The following C1GALT1 variants were observed in gnomAD, a reference collection of about 807,000 sequenced individuals.
C1GALT1 encodes core 1 synthase, glycoprotein-N-acetylgalactosamine 3-beta-galactosyltransferase 1, also known as glycoprotein-N-acetylgalactosamine 3-beta-galactosyltransferase 1.
C1GALT1 carries 11 observed loss-of-function variants against 31.0 expected under a neutral mutation model. The ratio of observed to expected loss-of-function variants is 0.36; its 90% confidence interval spans 0.22 to 0.59. The LOEUF (loss-of-function observed/expected upper bound fraction) is 0.59. C1GALT1 is among the 20% of genes least tolerant of loss of function. The pLI, the probability that C1GALT1 is intolerant of heterozygous loss-of-function variation, is 0.79. For missense variants in C1GALT1, 424 were observed against 425.2 expected (o/e 1.00, Z 0.03); for synonymous variants, 175 against 143.6 (o/e 1.22, Z -1.56).
At chr7:7,210,233 G>C (rs1781929767) in intron 1 of C1GALT1, among the ~76,000 whole-genome samples, 1 of 147,128 alleles carries the variant, frequency 6.8e-6, no homozygotes, top group Non-Finnish European at 1.5e-5. Context: ...TTCTGAACCT[G>C]GAATTGTGGG....
intron 1 of C1GALT1, among the ~76,000 whole-genome samples, chr7:7,228,416 A>G (rs6943933): frequency 0.2 from 30,213 of 152,080 alleles, 3,494 homozygotes; most frequent in East Asian, 0.54. Context: ...AGCACTTGGC[A>G]TAAAGAACTT....
upstream of C1GALT1, among the ~76,000 whole-genome samples, chr7:7,181,980 T>G (rs966635978): frequency 6.6e-6 from 1 of 152,166 alleles, no homozygotes; most frequent in African/African-American, 2.4e-5. Flanking sequence ...AGAACCGAAG[T>G]GCTGACAGAA....
chr7:7,190,756 C>T lies in C1GALT1; in HGVS notation c.-18+7936C>T, dbSNP rs1324439289. 7.2e-5 allele frequency among the ~76,000 whole-genome samples: 11 copies of T among 152,034 alleles called. No individual in the cohort carries two copies. The East Asian group carries it at 1.7e-3, about 24-fold the overall frequency. On this transcript the variant is annotated intron_variant, in intron 1 of 3. Coordinates refer to ENST00000436587, the MANE Select transcript of C1GALT1 (RefSeq NM_020156.5). ...ATCTTTTTTATAACTTAAAATTGAT[C>T]AGATCAGATTAGTACACCCCTTCCC...
chr7:7,159,974 C>T (rs1437611979), intron 2 of C1GALT1, among the ~76,000 whole-genome samples: 1 of 152,122 alleles, frequency 6.6e-6, no homozygotes, highest in Non-Finnish European at 1.5e-5. Context: ...TCCTAGGGAG[C>T]TTTGCACCAA....
intron 1 of C1GALT1, among the ~76,000 whole-genome samples, chr7:7,226,130 G>T (rs1782749046): frequency 1.3e-5 from 2 of 152,000 alleles, no homozygotes; most frequent in Non-Finnish European, 2.9e-5. Context: ...TTCTAACATG[G>T]TACCTCACAT....
At position 7,182,714 on chromosome 7, in the gene C1GALT1, CCA is replaced by C; in HGVS notation, c.-122_-121del. The C allele has an allele frequency of 2.5e-6, 2 of 790,052 alleles. No homozygotes were observed. Among genetic ancestry groups the C allele is most frequent in the Non-Finnish European group, 3.1e-6 (2 of 651,342 alleles). The allele number at this position is 790,052 out of a possible 1,614,324, so 48.9% of individuals were successfully genotyped here. On this transcript the variant is annotated 5_prime_UTR_variant, in exon 1 of 4. Coordinates refer to ENST00000436587, the MANE Select transcript of C1GALT1 (RefSeq NM_020156.5). The stretch of plus-strand genomic sequence containing the variant: ...GGCAGCGGGCGGCCTCGGCTAGCGG[CCA>C]CGAGCCACTTCTGCGGCTGCCCAGA...
intron 2 of C1GALT1, among the ~76,000 whole-genome samples, chr7:7,236,400 C>T (rs995273649): frequency 1.3e-5 from 2 of 152,170 alleles, no homozygotes; most frequent in African/African-American, 4.8e-5. Context: ...TTTGTATAGC[C>T]AAGAGATTGG....
intron 1 of C1GALT1, among the ~76,000 whole-genome samples, chr7:7,186,173 G>T (rs1346378050): frequency 2.6e-5 from 4 of 151,940 alleles, no homozygotes; most frequent in Non-Finnish European, 5.9e-5. Context: ...TTCTTGTAAA[G>T]CTACCAGTTC....
intron 2 of C1GALT1, among the ~76,000 whole-genome samples, chr7:7,164,455 C>T (rs1291813049): frequency 6.6e-6 from 1 of 152,140 alleles, no homozygotes; most frequent in Non-Finnish European, 1.5e-5. Flanking sequence ...ATACAGCTCT[C>T]CTCTTGCTTT....
chr7:7,204,012 G>C (rs1781625456), intron 1 of C1GALT1, among the ~76,000 whole-genome samples: 1 of 151,080 alleles, frequency 6.6e-6, no homozygotes, highest in African/African-American at 2.4e-5. Context: ...TTGGTTTGTG[G>C]TTTTCTTGTG....
At chr7:7,159,428 G>A (rs987385900) in intron 2 of C1GALT1, among the ~76,000 whole-genome samples, 2 of 152,000 alleles carry the variant, frequency 1.3e-5, no homozygotes, top group African/African-American at 4.8e-5. Flanking sequence ...AAGAAAACAG[G>A]AAGAGGAGGG....
At chr7:7,178,980 G>C (rs1054910139), upstream of C1GALT1, among the ~76,000 whole-genome samples, 1 of 152,194 alleles carries the variant, frequency 6.6e-6, no homozygotes, top group African/African-American at 2.4e-5. Flanking sequence ...TCAAGATGTT[G>C]ACCATGATGC....
chr7:7,178,403 A>T (rs373131095), upstream of C1GALT1: 43 of 210,232 alleles, frequency 2.0e-4, no homozygotes, highest in African/African-American at 9.5e-4. Flanking sequence ...ATTATGAGTC[A>T]ATCTGTAATT....
chr7:7,241,964 G>A (rs1783647820), intron 3 of C1GALT1, among the ~76,000 whole-genome samples: 1 of 151,900 alleles, frequency 6.6e-6, no homozygotes. Flanking sequence ...TATAAAAATT[G>A]CTTCCAGAGG....
chr7:7,204,106 T>TG (rs913715951), intron 1 of C1GALT1, among the ~76,000 whole-genome samples: 16 of 122,920 alleles, frequency 1.3e-4, no homozygotes, highest in East Asian at 5.5e-4. Flanking sequence ...TGTTTTTTTT[T>TG]TTTTGTTTTT....
chr7:7,211,809 C>G (rs778961903), intron 1 of C1GALT1, among the ~76,000 whole-genome samples: 27 of 152,140 alleles, frequency 1.8e-4, no homozygotes, highest in Non-Finnish European at 3.5e-4. Context: ...TTACCCATCC[C>G]TTTTTCTTTC....
chr7:7,197,751 C>T (rs555625911), intron 1 of C1GALT1, among the ~76,000 whole-genome samples: 3 of 152,180 alleles, frequency 2.0e-5, no homozygotes, highest in African/African-American at 7.2e-5. Flanking sequence ...TTGAAGAGGT[C>T]CTTCACATCC....
At chr7:7,204,592 G>A (rs6955941) in intron 1 of C1GALT1, among the ~76,000 whole-genome samples, 24,040 of 151,768 alleles carry the variant, frequency 0.16, 2,187 homozygotes, top group East Asian at 0.37. Flanking sequence ...TATTTCTTCT[G>A]CTAGCTTTGG....
At chr7:7,169,974 A>G (rs1583729434) in intron 2 of C1GALT1, among the ~76,000 whole-genome samples, 1 of 152,306 alleles carries the variant, frequency 6.6e-6, no homozygotes, top group African/African-American at 2.4e-5. Context: ...CAGTGAAGCT[A>G]TCTGGTCCTG....
Sources: gnomAD v4.1 joint callset for allele counts (sites outside exome capture counted in the v4.1 genomes callset) on GRCh38, gnomAD v4.1.1 for gene constraint, MANE v1.5 for transcripts, NCBI Gene and HGNC (gene_info 2026-07-23, HGNC 2026-07-21) for gene names.